Variants in PAN3 observed in about 807,000 individuals in gnomAD.
PAN3 encodes the protein poly(A) specific ribonuclease subunit PAN3, also known as PAN2-PAN3 deadenylation complex subunit PAN3.
Under a neutral mutation model 96.2 loss-of-function variants are expected in PAN3, and 19 were observed. That is an observed-to-expected ratio of 0.20 (90% confidence interval 0.14 to 0.29). The LOEUF (loss-of-function observed/expected upper bound fraction) is 0.29, where lower values mean the gene tolerates loss of function less well. PAN3 is among the 10% of genes least tolerant of loss of function. The pLI is 1.00. For missense variants in PAN3, 882 were observed against 1,108.1 expected (o/e 0.80, Z 2.90); for synonymous variants, 433 against 406.6 (o/e 1.06, Z -0.78).
chr13:28,258,722 A>G (rs1049363797), intron 7 of PAN3, among the ~76,000 whole-genome samples: 1 of 152,186 alleles, frequency 6.6e-6, no homozygotes, highest in African/African-American at 2.4e-5. Context: ...AACTGCTTGT[A>G]TAGTTGCCAT....
chr13:28,142,271 T>A (rs147640403), intron 1 of PAN3, among the ~76,000 whole-genome samples: 11 of 152,334 alleles, frequency 7.2e-5, no homozygotes, highest in African/African-American at 2.6e-4. Context: ...ATTGTTCATT[T>A]TTTAGACTGC....
intron 6 of PAN3, among the ~76,000 whole-genome samples, chr13:28,228,410 A>C (rs1374434611): frequency 6.6e-6 from 1 of 152,172 alleles, no homozygotes; most frequent in Non-Finnish European, 1.5e-5. Context: ...TAGGCATGTA[A>C]ATCCTACTCA....
At chr13:28,249,127 T>G (rs1210595075) in intron 6 of PAN3, among the ~76,000 whole-genome samples, 6 of 152,200 alleles carry the variant, frequency 3.9e-5, no homozygotes, top group Non-Finnish European at 7.3e-5. Flanking sequence ...GTGCTTTACT[T>G]GTCCTATCTT....
At chr13:28,157,131 T>C (rs1407775230) in intron 1 of PAN3, among the ~76,000 whole-genome samples, 2 of 151,744 alleles carry the variant, frequency 1.3e-5, no homozygotes, top group African/African-American at 2.4e-5. Flanking sequence ...ACAACCATAT[T>C]ATCATCTCAA....
At chr13:28,221,956 T>C (rs45467797) in intron 6 of PAN3, among the ~76,000 whole-genome samples, 247 of 152,324 alleles carry the variant, frequency 1.6e-3, no homozygotes, top group African/African-American at 5.8e-3. Flanking sequence ...AATTCAACTT[T>C]ATATGTCTCT....
At chr13:28,240,212 A>G (rs1883529469) in intron 6 of PAN3, among the ~76,000 whole-genome samples, 1 of 152,132 alleles carries the variant, frequency 6.6e-6, no homozygotes, top group Admixed American at 6.5e-5. Context: ...GCTTTTAAAA[A>G]TCAATCTTTG....
chr13:28,221,093 T>C (rs1348066431), intron 6 of PAN3, among the ~76,000 whole-genome samples: 1 of 152,126 alleles, frequency 6.6e-6, no homozygotes, highest in Non-Finnish European at 1.5e-5. Flanking sequence ...ATCTTAAGAA[T>C]TCATGCAGAT....
At chr13:28,152,600 CA>C (rs971899614) in intron 1 of PAN3, among the ~76,000 whole-genome samples, 2 of 149,850 alleles carry the variant, frequency 1.3e-5, no homozygotes, top group African/African-American at 4.9e-5. Flanking sequence ...AACCAAAAAA[CA>C]AAAAAAAATG....
chr13:28,140,643 A>G (rs1869626928), intron 1 of PAN3, among the ~76,000 whole-genome samples: 1 of 152,132 alleles, frequency 6.6e-6, no homozygotes, highest in African/African-American at 2.4e-5. Flanking sequence ...GGGCCTCCCA[A>G]AGTGCTGGGA....
chr13:28,274,481 A>G (rs1886896544), intron 14 of PAN3, among the ~76,000 whole-genome samples: 1 of 149,658 alleles, frequency 6.7e-6, no homozygotes. Flanking sequence ...GTATCTAGAA[A>G]CCCGTGTCTG....
At chr13:28,287,930 T>C in intron 17 of PAN3, 54 bp from the exon 18 acceptor site, 2 of 1,488,588 alleles carry the variant, frequency 1.3e-6, no homozygotes, top group East Asian at 2.5e-5. Context: ...AATAGACATA[T>C]GGCCACAGAC....
At chr13:28,140,522 A>T (rs1055989670) in intron 1 of PAN3, among the ~76,000 whole-genome samples, 2 of 152,162 alleles carry the variant, frequency 1.3e-5, no homozygotes, top group Admixed American at 6.6e-5. Flanking sequence ...TATGAGGATT[A>T]TTTAATATCT....
At chr13:28,167,092 T>TA (rs1316995898) in intron 1 of PAN3, among the ~76,000 whole-genome samples, 1 of 148,278 alleles carries the variant, frequency 6.7e-6, no homozygotes, top group Non-Finnish European at 1.5e-5. Flanking sequence ...ATTTTTTTTT[T>TA]TTTTTTTTTT....
intron 1 of PAN3, among the ~76,000 whole-genome samples, chr13:28,149,072 G>A (rs1871043094): frequency 6.6e-6 from 1 of 152,000 alleles, no homozygotes; most frequent in Admixed American, 6.6e-5. Context: ...AAAAAACACT[G>A]TGTGGGGTGT....
chr13:28,256,520 C>A lies in PAN3; in HGVS notation c.1229C>A (p.Pro410Gln). ...ACTTACTTCTATACAGACACAACTC[C>A]AGCACCTTTGACTGGAATGGTATGT... Reference protein sequence around the residue: ...GTTYFYTDTTPAPLTGMVFPN... With the variant: ...GTTYFYTDTTQAPLTGMVFPN... Residue 410 changes from proline (P) to glutamine (Q), a missense_variant, in exon 7 of 19, where the codon CCA (proline) becomes CAA (glutamine). Coordinates refer to ENST00000380958, the MANE Select transcript of PAN3 (RefSeq NM_175854.8). The A allele has an allele frequency of 6.2e-7, 1 of 1,613,696 alleles. No homozygotes were observed. Among genetic ancestry groups the A allele is most frequent in the Non-Finnish European group, 8.5e-7 (1 of 1,179,794 alleles).
intron 5 of PAN3, among the ~76,000 whole-genome samples, chr13:28,219,750 A>G (rs1362434221): frequency 2.6e-5 from 4 of 152,218 alleles, no homozygotes; most frequent in South Asian, 2.1e-4. Flanking sequence ...ATGTTTCTCT[A>G]ACCTTTACTT....
intron 5 of PAN3, chr13:28,215,259 C>A (rs1322723129): frequency 1.4e-6 from 1 of 709,204 alleles, no homozygotes; most frequent in Non-Finnish European, 2.6e-6. Flanking sequence ...CTTGCACCAG[C>A]CTCTCCAGGG....
intron 1 of PAN3, among the ~76,000 whole-genome samples, chr13:28,160,621 ATG>A (rs1354638267): frequency 2.0e-5 from 3 of 152,242 alleles, no homozygotes; most frequent in Non-Finnish European, 4.4e-5. Flanking sequence ...ACTCACTAAA[ATG>A]AGAAATAACC....
chr13:28,285,008 C>T (rs1342227523), intron 17 of PAN3, among the ~76,000 whole-genome samples: 4 of 152,142 alleles, frequency 2.6e-5, no homozygotes. Context: ...TTGATGTCTA[C>T]TTTTGTATTC....
Sources: gnomAD v4.1 joint callset for allele counts (sites outside exome capture counted in the v4.1 genomes callset) on GRCh38, gnomAD v4.1.1 for gene constraint, MANE v1.5 for transcripts, NCBI Gene and HGNC (gene_info 2026-07-23, HGNC 2026-07-21) for gene names.